CA12: variants seen among roughly 807,000 people sequenced by gnomAD.
CA12 encodes carbonate dehydratase XII.
A neutral mutation model predicts 46.8 loss-of-function variants in CA12; 36 were observed. That is an observed-to-expected ratio of 0.77 (90% CI 0.59 to 1.02). The LOEUF is 1.02. Among genes scored for constraint, CA12 ranks in the 50% least tolerant of loss-of-function variants. CA12 has a pLI of 0.00. For missense variants in CA12, 436 were observed against 451.4 expected (o/e 0.97, Z 0.31); for synonymous variants, 202 against 187.0 (o/e 1.08, Z -0.65).
At chr15:63,365,973 C>G (rs2039430616) in intron 2 of CA12, among the ~76,000 whole-genome samples, 1 of 152,022 alleles carries the variant, frequency 6.6e-6, no homozygotes, top group South Asian at 2.1e-4. Flanking sequence ...ACCCCCATCT[C>G]TACTAAAAAT....
intron 2 of CA12, among the ~76,000 whole-genome samples, chr15:63,371,845 T>TG (rs2039512673): frequency 6.6e-6 from 1 of 151,490 alleles, no homozygotes; most frequent in Non-Finnish European, 1.5e-5. Flanking sequence ...GGGTTTTTTT[T>TG]GTTTTGTTTT....
At chr15:63,375,120 C>A (rs967274412) in intron 2 of CA12, among the ~76,000 whole-genome samples, 1 of 152,218 alleles carries the variant, frequency 6.6e-6, no homozygotes, top group Non-Finnish European at 1.5e-5. Context: ...GTGCTCCTCT[C>A]GCTTCATTTA....
In CA12 at chr15:63,346,618, C is replaced by A; in HGVS notation, c.198G>T (p.Gln66His). Residue 66 changes from glutamine to histidine, a missense_variant, in exon 3 of 11, where the codon CAG becomes CAT. By Grantham distance (24) the Gln-to-His change is conservative. Transcript: ENST00000178638. ...SPIDLHSDIL[Q>H]YDASLTPLEF... is the part of the protein sequence containing the mutation. ...CGAGGGGCGTGAGGCTGGCGTCATA[C>A]TGGAGGATGTCACTGTGCAGGTCTA... The A allele has an allele frequency of 1.2e-6, 2 of 1,610,308 alleles. No homozygotes were observed. Among genetic ancestry groups the A allele is most frequent in the South Asian group, 1.1e-5 (1 of 90,992 alleles).
chr15:63,346,177 C>G, intron 3 of CA12, among the ~76,000 whole-genome samples: 1 of 152,146 alleles, frequency 6.6e-6, no homozygotes, highest in East Asian at 1.9e-4. Flanking sequence ...TGGTCTGACT[C>G]CAAAGCCTGG....
intron 2 of CA12, among the ~76,000 whole-genome samples, chr15:63,358,801 A>G (rs966364759): frequency 6.6e-6 from 1 of 152,080 alleles, no homozygotes; most frequent in African/African-American, 2.4e-5. Context: ...AACTGTGTGC[A>G]TACCCGCATC....
rs563014711 is a variant in CA12 at position 63,352,241 on chromosome 15, G to A, written c.107-5532C>T. Among the ~76,000 whole-genome samples the A allele has an allele frequency of 5.9e-5, 9 of 152,234 alleles. 1 individual carries two copies. The highest frequency in any genetic ancestry group is 1.2e-4 in the African/African-American group (5 of 41,522). ...CAGCTAATTTTTTATATTTTTAGTCGACATGGGGTTTCGCCATGTTGGCCA... is the reference window on the plus strand; with the variant it reads ...CAGCTAATTTTTTATATTTTTAGTCAACATGGGGTTTCGCCATGTTGGCCA... On this transcript the variant is annotated intron_variant, in intron 2 of 10. Coordinates refer to ENST00000178638, the MANE Select transcript of CA12 (RefSeq NM_001218.5).
intron 1 of CA12, among the ~76,000 whole-genome samples, chr15:63,381,159 T>C: frequency 6.6e-6 from 1 of 152,130 alleles, no homozygotes; most frequent in South Asian, 2.1e-4. Context: ...TCCCTTTGAC[T>C]TGTAGGTAAG....
chr15:63,332,411 C>T (rs757191052), intron 8 of CA12, among the ~76,000 whole-genome samples: 1 of 152,198 alleles, frequency 6.6e-6, no homozygotes. Context: ...GAGGGCTTTG[C>T]CTGTAGATTA....
intron 3 of CA12, 117 bp downstream of exon 3, chr15:63,346,413 C>T: frequency 1.3e-6 from 1 of 740,830 alleles, no homozygotes. Context: ...CCGCCCCGCC[C>T]CACCCCTCCT....
At chr15:63,368,773 G>A (rs985722869) in intron 2 of CA12, among the ~76,000 whole-genome samples, 5 of 152,248 alleles carry the variant, frequency 3.3e-5, no homozygotes, top group East Asian at 1.9e-4. Flanking sequence ...TCACCTGCCA[G>A]CCCGCTGCAC....
chr15:63,380,606 G>A (rs2039632391), intron 1 of CA12, among the ~76,000 whole-genome samples: 1 of 152,184 alleles, frequency 6.6e-6, no homozygotes. Context: ...CTGACCAGAT[G>A]AGGGAGATAA....
chr15:63,379,622 G>A (rs1276850874), intron 1 of CA12, among the ~76,000 whole-genome samples: 2 of 152,206 alleles, frequency 1.3e-5, no homozygotes, highest in Non-Finnish European at 2.9e-5. Context: ...AAACCTGTTA[G>A]AACCTGCAGA....
chr15:63,370,510 T>A (rs1346111935), intron 2 of CA12, among the ~76,000 whole-genome samples: 2 of 148,466 alleles, frequency 1.3e-5, no homozygotes, highest in African/African-American at 5.0e-5. Context: ...CGGTGGCTCA[T>A]GCCTGTAATC....
chr15:63,338,506 G>T (rs1276889986), intron 8 of CA12, among the ~76,000 whole-genome samples: 1 of 152,162 alleles, frequency 6.6e-6, no homozygotes, highest in African/African-American at 2.4e-5. Context: ...TTAGAGAAGG[G>T]ATCATTGTCT....
At chr15:63,332,065 G>T (rs1169116403) in intron 8 of CA12, among the ~76,000 whole-genome samples, 3 of 152,170 alleles carry the variant, frequency 2.0e-5, no homozygotes, top group Non-Finnish European at 2.9e-5. Context: ...CTCCAGCCTT[G>T]TAAAAGAGGT....
rs1374570841 is a variant in CA12, at chr15:63,331,728, G to A, written c.875-3598C>T. 2 of 152,254 alleles carry A rather than the reference G, an allele frequency of 1.3e-5. No individual in the cohort carries two copies. The highest frequency in any genetic ancestry group is 2.9e-5 in the Non-Finnish European group (2 of 68,078). The allele number at this position is 152,254 out of a possible 1,614,324, so 9.4% of individuals were successfully genotyped here. A position where few individuals can be genotyped will look rare whatever the true frequency, so the allele number is the denominator to read the frequency against. ...CAGGAAGGTACAGACACCCGGAGAA[G>A]GTCGGTGAGCTGCTTGCCACAAGGG... On this transcript the variant is annotated intron_variant, in intron 8 of 10. Transcript: ENST00000178638. The surrounding 1 kb of genome is among the most constrained non-coding windows in gnomAD (Gnocchi z 5.3).
chr15:63,331,308 T>G lies in CA12; in HGVS notation c.875-3178A>C, dbSNP rs1208317517. Among the ~76,000 whole-genome samples the G allele has an allele frequency of 6.6e-6, 1 of 152,170 alleles. No homozygotes were observed. The highest frequency in any genetic ancestry group is 1.9e-4 in the East Asian group (1 of 5,192). On this transcript the variant is annotated intron_variant, in intron 8 of 10. Transcript: ENST00000178638. The surrounding 1 kb of genome is among the most constrained non-coding windows in gnomAD (Gnocchi z 5.3). ...GCCTGTTTCCCAGCAGAGCCTCGGC[T>G]GGGTGAGAGCGAAGCCTCTAGGCAC...
At chr15:63,346,235 A>G (rs1471316664) in intron 3 of CA12, among the ~76,000 whole-genome samples, 1 of 152,096 alleles carries the variant, frequency 6.6e-6, no homozygotes, top group African/African-American at 2.4e-5. Flanking sequence ...TATGGTCCAG[A>G]ATTCACTCCA....
At chr15:63,375,354 G>A (rs2039557205) in intron 2 of CA12, 4 of 330,314 alleles carry the variant, frequency 1.2e-5, no homozygotes, top group South Asian at 4.5e-5. Context: ...CAGTCCGGAG[G>A]TGGGGCAAGT....
Sources: allele counts gnomAD v4.1 joint callset (sites outside exome capture counted in the v4.1 genomes callset), GRCh38; gene constraint gnomAD v4.1.1; non-coding constraint Gnocchi (gnomAD v3.1); transcripts MANE v1.5; gene names NCBI Gene and HGNC (gene_info 2026-07-23, HGNC 2026-07-21).